EPC2: variants seen among roughly 807,000 people sequenced by gnomAD.
The protein encoded by EPC2 is enhancer of polycomb 2, also known as enhancer of polycomb homolog 2.
EPC2 carries 14 observed loss-of-function variants against 92.1 expected under a neutral mutation model. The ratio of observed to expected loss-of-function variants is 0.15; its 90% CI spans 0.10 to 0.24. The LOEUF is 0.24. Ranked by LOEUF, EPC2 falls within the 10% of genes least tolerant of loss-of-function variation. The pLI is 1.00. For synonymous variants in EPC2, 340 were observed against 334.7 expected, an observed-to-expected ratio of 1.02 and a Z score of -0.17; for missense variants, 755 against 971.5, an observed-to-expected ratio of 0.78 and a Z score of 2.96.
chr2:148,669,282 A>G (rs1248557931), intron 1 of EPC2, among the ~76,000 whole-genome samples: 1 of 152,094 alleles, frequency 6.6e-6, no homozygotes, highest in Non-Finnish European at 1.5e-5. Flanking sequence ...GAATATTTTT[A>G]ATGAGTCTCT....
intron 11 of EPC2, among the ~76,000 whole-genome samples, chr2:148,782,306 G>A (rs1219432926): frequency 6.6e-6 from 1 of 152,130 alleles, no homozygotes; most frequent in African/African-American, 2.4e-5. Context: ...GGCGGCCGAG[G>A]CGGGCAGATC....
At chr2:148,645,904 C>G (rs1212880215) in intron 1 of EPC2, among the ~76,000 whole-genome samples, 2 of 152,234 alleles carry the variant, frequency 1.3e-5, no homozygotes, top group African/African-American at 4.8e-5. Context: ...GCCGGCGTTG[C>G]GTTGTCCTCG....
At chr2:148,687,606 G>A (rs1406689658) in intron 1 of EPC2, among the ~76,000 whole-genome samples, 2 of 152,160 alleles carry the variant, frequency 1.3e-5, no homozygotes, top group East Asian at 1.9e-4. Flanking sequence ...CTGACAAAAT[G>A]CCAAAGAGAT....
chr2:148,759,893 T>TA (rs1210070600), intron 4 of EPC2, among the ~76,000 whole-genome samples: 2 of 152,104 alleles, frequency 1.3e-5, no homozygotes, highest in Admixed American at 1.3e-4. Flanking sequence ...ATTTGTTTTT[T>TA]AAAAAAAGGA....
At chr2:148,716,457 C>T (rs1207954046) in intron 2 of EPC2, among the ~76,000 whole-genome samples, 4 of 152,092 alleles carry the variant, frequency 2.6e-5, no homozygotes, top group Non-Finnish European at 5.9e-5. Context: ...GTATTGAAGG[C>T]CTTTTCTCCA....
intron 1 of EPC2, among the ~76,000 whole-genome samples, chr2:148,664,477 G>A (rs1301102663): frequency 6.6e-6 from 1 of 152,192 alleles, no homozygotes; most frequent in Non-Finnish European, 1.5e-5. Context: ...CAGCCAGGGC[G>A]ACAGAGTGAG....
At chr2:148,728,378 CTTTTT>C (rs989597830) in intron 2 of EPC2, among the ~76,000 whole-genome samples, 3 of 144,848 alleles carry the variant, frequency 2.1e-5, no homozygotes, top group African/African-American at 7.6e-5. Flanking sequence ...TGTTCTCATT[CTTTTT>C]TTTTTTAATC....
At chr2:148,647,792 C>G (rs1325417337) in intron 1 of EPC2, among the ~76,000 whole-genome samples, 1 of 151,962 alleles carries the variant, frequency 6.6e-6, no homozygotes, top group Non-Finnish European at 1.5e-5. Flanking sequence ...GCCACTATGC[C>G]CAGCTAATTT....
At chr2:148,692,091 A>C (rs574354110) in intron 2 of EPC2, 1 of 305,620 alleles carries the variant, frequency 3.3e-6, no homozygotes, top group South Asian at 3.0e-5. Flanking sequence ...TCTTCCCTTC[A>C]CTCTGTGTAC....
At chr2:148,776,920 G>T (rs990143410) in intron 10 of EPC2, among the ~76,000 whole-genome samples, 2 of 145,046 alleles carry the variant, frequency 1.4e-5, no homozygotes, top group African/African-American at 5.1e-5. Context: ...GAGTGCAATG[G>T]CACGATTCCG....
intron 3 of EPC2, among the ~76,000 whole-genome samples, chr2:148,750,506 GGAGAA>G (rs1683065300): frequency 2.0e-5 from 3 of 151,932 alleles, no homozygotes; most frequent in Admixed American, 2.0e-4. Context: ...CTGGGTCTTT[GGAGAA>G]GAAAATGTTT....
At chr2:148,674,350 T>G (rs1209968224) in intron 1 of EPC2, among the ~76,000 whole-genome samples, 3 of 152,154 alleles carry the variant, frequency 2.0e-5, no homozygotes, top group African/African-American at 7.2e-5. Flanking sequence ...GTATGTTGGT[T>G]AAGTCAGTGC....
chr2:148,676,292 A>G (rs1681259733), intron 1 of EPC2, among the ~76,000 whole-genome samples: 2 of 152,092 alleles, frequency 1.3e-5, no homozygotes, highest in Non-Finnish European at 2.9e-5. Flanking sequence ...AGTAGCTATA[A>G]GAAGTGATTT....
intron 1 of EPC2, among the ~76,000 whole-genome samples, chr2:148,678,633 C>T (rs568669341): frequency 2.0e-5 from 3 of 152,226 alleles, no homozygotes; most frequent in Non-Finnish European, 4.4e-5. Context: ...CCTCCGCAGC[C>T]GCTGGCCCGG....
chr2:148,653,370 A>G (rs1680723189), intron 1 of EPC2, among the ~76,000 whole-genome samples: 1 of 152,254 alleles, frequency 6.6e-6, no homozygotes, highest in South Asian at 2.1e-4. Context: ...GCCCTGAAGG[A>G]GACCAATGCA....
At chr2:148,708,896 T>C (rs1335425606) in intron 2 of EPC2, among the ~76,000 whole-genome samples, 1 of 152,160 alleles carries the variant, frequency 6.6e-6, no homozygotes, top group African/African-American at 2.4e-5. Context: ...TCATAGTGAA[T>C]GGGCAAAAAC....
At chr2:148,647,065 G>GTGCCAC (rs1205020943) in intron 1 of EPC2, among the ~76,000 whole-genome samples, 7 of 151,964 alleles carry the variant, frequency 4.6e-5, no homozygotes, top group African/African-American at 1.7e-4. Flanking sequence ...AGCAGAGATC[G>GTGCCAC]TGCCACTGCA....
At chr2:148,647,628 T>G (rs1683830754) in intron 1 of EPC2, among the ~76,000 whole-genome samples, 2 of 137,294 alleles carry the variant, frequency 1.5e-5, no homozygotes, top group African/African-American at 2.7e-5. Context: ...ACTTTTTTTT[T>G]TTTTTTTTTT....
At chr2:148,722,458 T>C (rs1287760848) in intron 2 of EPC2, among the ~76,000 whole-genome samples, 1 of 152,026 alleles carries the variant, frequency 6.6e-6, no homozygotes, top group Non-Finnish European at 1.5e-5. Flanking sequence ...GAAATGGAAA[T>C]CAAAACCACA....
Sources: allele counts gnomAD v4.1 joint callset (sites outside exome capture counted in the v4.1 genomes callset), GRCh38; gene constraint gnomAD v4.1.1; transcripts MANE v1.5; gene names NCBI Gene and HGNC (gene_info 2026-07-23, HGNC 2026-07-21).